DLG2: variants seen among roughly 807,000 people sequenced by gnomAD.
DLG2 encodes discs large MAGUK scaffold protein 2.
A neutral mutation model predicts 132.5 loss-of-function variants in DLG2; 45 were observed. That is an observed-to-expected ratio of 0.34 (90% CI 0.27 to 0.44). The LOEUF is 0.44. DLG2 is among the 20% of genes least tolerant of loss of function. The probability of loss-of-function intolerance (pLI) is 1.00; values close to 1 mark genes in which losing one functional copy is unlikely to be tolerated. For synonymous variants in DLG2, 424 were observed against 419.6 expected (o/e 1.01, Z -0.13); for missense variants, 1,045 against 1,196.9 (o/e 0.87, Z 1.87).
chr11:83,592,129 T>C (rs970546496), intron 19 of DLG2, among the ~76,000 whole-genome samples: 7 of 149,638 alleles, frequency 4.7e-5, no homozygotes, highest in African/African-American at 1.7e-4. Context: ...CTTCACAGAA[T>C]TGGAAAAAAC....
chr11:84,363,692 G>A (rs968128855), intron 7 of DLG2, among the ~76,000 whole-genome samples: 3 of 151,622 alleles, frequency 2.0e-5, no homozygotes, highest in Non-Finnish European at 2.9e-5. Context: ...TTTGTATAAG[G>A]TGTAAGGAAG....
intron 4 of DLG2, among the ~76,000 whole-genome samples, chr11:85,174,091 G>C (rs184068832): frequency 3.5e-4 from 53 of 152,152 alleles, no homozygotes; most frequent in Non-Finnish European, 6.2e-4. Flanking sequence ...AAATATTCAG[G>C]ACCTGAACTC....
At chr11:85,207,502 C>G (rs1179462095) in intron 4 of DLG2, among the ~76,000 whole-genome samples, 1 of 152,138 alleles carries the variant, frequency 6.6e-6, no homozygotes, top group East Asian at 1.9e-4. Flanking sequence ...TCTGGACTGA[C>G]CTTCCCATTA....
intron 6 of DLG2, among the ~76,000 whole-genome samples, chr11:85,000,394 C>A (rs1007734253): frequency 6.6e-6 from 1 of 152,130 alleles, no homozygotes; most frequent in Non-Finnish European, 1.5e-5. Context: ...AGTAGGAATA[C>A]TGAGTTGGAG....
intron 3 of DLG2, among the ~76,000 whole-genome samples, chr11:85,589,318 TGCTTTCAAGAG>T (rs1234002048): frequency 6.6e-6 from 1 of 152,094 alleles, no homozygotes; most frequent in East Asian, 1.9e-4. Context: ...CAGAAGGTGG[TGCTTTCAAGAG>T]AGCACCAGCT....
In DLG2 at chr11:83,786,874, G is replaced by C; in HGVS notation, c.1723-82C>G. ...GAAGAAAAAAGTTTCCCAAAACCAG[G>C]CTGTCTAACATTATATCACATGCCT... On this transcript the variant is annotated intron_variant, in intron 17 of 27. Coordinates refer to ENST00000376104, the MANE Select transcript of DLG2 (RefSeq NM_001142699.3). The C allele has an allele frequency of 3.4e-6, 4 of 1,168,168 alleles. No homozygotes were observed. In the East Asian group the frequency reaches 9.7e-5, roughly 28 times the overall value. 72.4% of individuals were successfully genotyped at this position (1,168,168 alleles called of 1,614,324 possible). A position where few individuals can be genotyped will look rare whatever the true frequency, so the allele number is the denominator to read the frequency against.
chr11:84,691,800 A>T (rs2058079024), intron 6 of DLG2, among the ~76,000 whole-genome samples: 1 of 151,784 alleles, frequency 6.6e-6, no homozygotes, highest in South Asian at 2.1e-4. Flanking sequence ...TGATTGAAAT[A>T]GTTACCATTT....
intron 11 of DLG2, among the ~76,000 whole-genome samples, chr11:84,054,408 G>A (rs1321310548): frequency 6.6e-6 from 1 of 151,958 alleles, no homozygotes; most frequent in Non-Finnish European, 1.5e-5. Flanking sequence ...AAGCCTAAAT[G>A]GATTTGCCTA....
chr11:85,615,109 G>A (rs117566311), intron 2 of DLG2, among the ~76,000 whole-genome samples: 3 of 152,226 alleles, frequency 2.0e-5, no homozygotes, highest in East Asian at 1.9e-4. Context: ...AGTATAAAAC[G>A]GTAAATTTAT....
intron 6 of DLG2, among the ~76,000 whole-genome samples, chr11:84,773,345 A>T (rs570275328): frequency 6.6e-6 from 1 of 152,246 alleles, no homozygotes; most frequent in African/African-American, 2.4e-5. Flanking sequence ...TCTACCAGAC[A>T]TATAAAACAC....
At chr11:85,230,251 A>C (rs1051478577) in intron 4 of DLG2, among the ~76,000 whole-genome samples, 1 of 151,976 alleles carries the variant, frequency 6.6e-6, no homozygotes, top group African/African-American at 2.4e-5. Flanking sequence ...GTATACATTA[A>C]ATTTTTACAA....
At chr11:83,705,899 CAA>C (rs2083859481) in intron 18 of DLG2, among the ~76,000 whole-genome samples, 3 of 152,154 alleles carry the variant, frequency 2.0e-5, no homozygotes, top group South Asian at 4.1e-4. Flanking sequence ...CGCACACCAA[CAA>C]AAGTTTCAAC....
At chr11:84,335,097 T>C (rs536586225) in intron 7 of DLG2, among the ~76,000 whole-genome samples, 15 of 144,998 alleles carry the variant, frequency 1.0e-4, no homozygotes, top group Admixed American at 1.0e-3. Flanking sequence ...CAAATCCTTA[T>C]ATTTTAATTA....
intron 5 of DLG2, among the ~76,000 whole-genome samples, chr11:85,114,155 C>T (rs1223133892): frequency 3.9e-5 from 6 of 151,932 alleles, no homozygotes; most frequent in South Asian, 2.1e-4. Context: ...TCTTTTTCCT[C>T]GAAGTCTTCA....
At chr11:84,488,069 C>T (rs2099155431) in intron 7 of DLG2, among the ~76,000 whole-genome samples, 1 of 152,102 alleles carries the variant, frequency 6.6e-6, no homozygotes, top group South Asian at 2.1e-4. Flanking sequence ...TGTTCTCTTT[C>T]TCTCACTTTA....
rs1156702538 is a variant in DLG2, at chr11:84,669,011, T to C, written c.358-134280A>G. Among the ~76,000 whole-genome samples the C allele has an allele frequency of 2.0e-5, 3 of 151,660 alleles. No homozygotes were observed. The East Asian group carries it at 5.8e-4, about 29-fold the overall frequency. ...CAGGTGTATCTTCAAATTGGGGGAG[T>C]ATATAGTATATCTGGTCTTGAGAAA... On this transcript the variant is annotated intron_variant, in intron 6 of 27. Coordinates refer to ENST00000376104, the MANE Select transcript of DLG2 (RefSeq NM_001142699.3).
intron 6 of DLG2, among the ~76,000 whole-genome samples, chr11:84,943,002 T>A (rs981101226): frequency 1.3e-5 from 2 of 152,184 alleles, no homozygotes; most frequent in African/African-American, 4.8e-5. Flanking sequence ...ATAGTTTTTG[T>A]CTTCAAAACC....
At chr11:83,528,457 C>T (rs532348472) in intron 21 of DLG2, among the ~76,000 whole-genome samples, 12 of 152,280 alleles carry the variant, frequency 7.9e-5, no homozygotes, top group African/African-American at 2.4e-4. Context: ...CCTATTCCAA[C>T]ATGTCTGCAA....
chr11:83,928,722 G>C (rs151276831), intron 15 of DLG2, among the ~76,000 whole-genome samples: 1 of 151,994 alleles, frequency 6.6e-6, no homozygotes, highest in Non-Finnish European at 1.5e-5. Context: ...ATCAAGTCTC[G>C]ATTTTCTCAT....
Sources: allele counts gnomAD v4.1 joint callset (sites outside exome capture counted in the v4.1 genomes callset), GRCh38; gene constraint gnomAD v4.1.1; transcripts MANE v1.5; gene names NCBI Gene and HGNC (gene_info 2026-07-23, HGNC 2026-07-21).